The following BCAS3 variants were observed in gnomAD, a reference collection of about 807,000 sequenced individuals.
BCAS3 encodes BCAS3 microtubule associated cell migration factor, also known as BCAS4/BCAS3 fusion.
BCAS3 carries 53 observed loss-of-function variants against 116.1 expected under a neutral mutation model. The ratio of observed to expected loss-of-function variants is 0.46; its 90% CI spans 0.37 to 0.57. The LOEUF is 0.57. Among genes scored for constraint, BCAS3 ranks in the 20% least tolerant of loss-of-function variants. The pLI, the probability that BCAS3 is intolerant of heterozygous loss-of-function variation, is 0.00. For missense variants in BCAS3, 917 were observed against 1,165.4 expected (o/e 0.79, Z 3.10); for synonymous variants, 391 against 408.2 (o/e 0.96, Z 0.51).
At chr17:60,751,558 T>C (rs76488563) in intron 6 of BCAS3, among the ~76,000 whole-genome samples, 110,456 of 151,332 alleles carry the variant, frequency 0.73, 46,029 homozygotes, top group South Asian at 0.98. Context: ...TTTTTTTTTT[T>C]TGAGATGGAG....
At chr17:61,237,939 A>G (rs1282064564) in intron 22 of BCAS3, among the ~76,000 whole-genome samples, 3 of 152,226 alleles carry the variant, frequency 2.0e-5, no homozygotes, top group South Asian at 4.1e-4. Flanking sequence ...TGATGATGGT[A>G]AAGAGAATTG....
At chr17:61,003,246 C>A (rs1329037401) in intron 15 of BCAS3, among the ~76,000 whole-genome samples, 2 of 151,900 alleles carry the variant, frequency 1.3e-5, no homozygotes, top group South Asian at 4.2e-4. Flanking sequence ...TTTCTGCAAT[C>A]TTTTTAATAT....
At chr17:61,114,932 G>C (rs1235545900) in intron 22 of BCAS3, among the ~76,000 whole-genome samples, 1 of 151,872 alleles carries the variant, frequency 6.6e-6, no homozygotes, top group African/African-American at 2.4e-5. Flanking sequence ...CAGAAATAAC[G>C]CCTCATATCT....
intron 14 of BCAS3, among the ~76,000 whole-genome samples, chr17:60,975,849 A>G (rs2062311265): frequency 6.6e-6 from 1 of 152,016 alleles, no homozygotes; most frequent in African/African-American, 2.4e-5. Context: ...AAGTTCATCC[A>G]TTTTCAAATA....
chr17:60,741,890 A>G (rs2041585245), intron 5 of BCAS3, among the ~76,000 whole-genome samples: 1 of 152,236 alleles, frequency 6.6e-6, no homozygotes, highest in Non-Finnish European at 1.5e-5. Flanking sequence ...CATGTTTACT[A>G]AAAGACATTT....
intron 22 of BCAS3, among the ~76,000 whole-genome samples, chr17:61,201,790 G>C (rs1209376230): frequency 6.8e-6 from 1 of 146,618 alleles, no homozygotes; most frequent in Non-Finnish European, 1.5e-5. Flanking sequence ...ACAGGGTCTC[G>C]CTCTGTCGCC....
chr17:61,108,755 G>C (rs2074849190), intron 22 of BCAS3, among the ~76,000 whole-genome samples: 2 of 151,572 alleles, frequency 1.3e-5, no homozygotes, highest in Admixed American at 1.3e-4. Context: ...TTTATCCTTT[G>C]CCACCCCTCA....
intron 15 of BCAS3, among the ~76,000 whole-genome samples, chr17:61,015,397 C>G (rs2065384646): frequency 6.6e-6 from 1 of 152,090 alleles, no homozygotes; most frequent in Non-Finnish European, 1.5e-5. Context: ...CTCAAGTAAT[C>G]CTCTTGTCTC....
chr17:61,252,274 A>G (rs569924747), intron 22 of BCAS3, among the ~76,000 whole-genome samples: 72 of 152,306 alleles, frequency 4.7e-4, no homozygotes, highest in African/African-American at 1.3e-3. Flanking sequence ...AAGGAAAGCA[A>G]TGTGGTAAGA....
chr17:61,099,695 A>G (rs1330129703), intron 22 of BCAS3, among the ~76,000 whole-genome samples: 1 of 152,250 alleles, frequency 6.6e-6, no homozygotes, highest in Non-Finnish European at 1.5e-5. Context: ...ATCTTTATAA[A>G]GCATTAACTC....
chr17:60,685,800 G>A (rs1422793179), intron 3 of BCAS3, among the ~76,000 whole-genome samples: 3 of 152,006 alleles, frequency 2.0e-5, no homozygotes, highest in South Asian at 2.1e-4. Flanking sequence ...ATGGTGAGAC[G>A]TCGTCATTTT....
chr17:61,270,865 T>C (rs2050179188), intron 22 of BCAS3, among the ~76,000 whole-genome samples: 1 of 151,732 alleles, frequency 6.6e-6, no homozygotes, highest in South Asian at 2.1e-4. Flanking sequence ...CTTCAAGCAA[T>C]TCTCCTGCCT....
chr17:60,837,168 T>C (rs1415387399), intron 7 of BCAS3, among the ~76,000 whole-genome samples: 1 of 152,202 alleles, frequency 6.6e-6, no homozygotes, highest in Non-Finnish European at 1.5e-5. Flanking sequence ...AGTTGAACTG[T>C]AGATTTGTAT....
rs761276438 is a variant in BCAS3, at chr17:61,224,043, T to G, written c.2425+139479T>G. Among the ~76,000 whole-genome samples, 1 of 152,240 alleles carries G rather than the reference T, an allele frequency of 6.6e-6. No homozygotes were observed. The highest frequency in any genetic ancestry group is 1.5e-5 in the Non-Finnish European group (1 of 68,042). ...TAATCTTCAATTTTTTTCAACCACC[T>G]CTAATTGAGAGTAGAAAAGCATTTG... On this transcript the variant is annotated intron_variant, in intron 22 of 23. Transcript: ENST00000407086. This position sits in a 1 kb window ranked among gnomAD's most constrained non-coding sequence, Gnocchi z 5.7.
At chr17:61,018,218 G>C (rs1427728691) in intron 16 of BCAS3, among the ~76,000 whole-genome samples, 1 of 148,186 alleles carries the variant, frequency 6.7e-6, no homozygotes, top group Non-Finnish European at 1.5e-5. Context: ...TAATTTATTT[G>C]TGACATAGTT....
intron 14 of BCAS3, among the ~76,000 whole-genome samples, chr17:60,989,674 ATG>A (rs999785353): frequency 1.3e-5 from 2 of 152,064 alleles, no homozygotes; most frequent in African/African-American, 4.8e-5. Flanking sequence ...GTTATCAGTT[ATG>A]TGTGTGTGTT....
In BCAS3 at chr17:61,300,012, G is replaced by A. The variant is rs1253243451; in HGVS notation, c.2426-68315G>A. On this transcript the variant is annotated intron_variant, in intron 22 of 23. Coordinates refer to ENST00000407086, the MANE Select transcript of BCAS3 (RefSeq NM_017679.5). The surrounding 1 kb of genome is among the most constrained non-coding windows in gnomAD (Gnocchi z 5.1). ...TAATTACAGATATTTTCATTCATCT[G>A]GTATCCAGATGATCTCCCTTGATTC... 6.6e-6 allele frequency among the ~76,000 whole-genome samples: 1 copy of A among 152,148 alleles called. No homozygotes were observed. The highest frequency in any genetic ancestry group is 1.5e-5 in the Non-Finnish European group (1 of 68,030).
At chr17:60,965,573 A>G (rs906001892) in intron 14 of BCAS3, among the ~76,000 whole-genome samples, 1 of 151,856 alleles carries the variant, frequency 6.6e-6, no homozygotes, top group African/African-American at 2.4e-5. Context: ...ACATTTTAAA[A>G]TTTCTTTCTT....
intron 6 of BCAS3, among the ~76,000 whole-genome samples, chr17:60,756,145 C>G (rs1407130630): frequency 6.6e-6 from 1 of 152,100 alleles, no homozygotes; most frequent in African/African-American, 2.4e-5. Context: ...CAGGATGAAA[C>G]TGTTCCACCT....
Sources: gnomAD v4.1 joint callset for allele counts (sites outside exome capture counted in the v4.1 genomes callset) on GRCh38, gnomAD v4.1.1 for gene constraint, Gnocchi (gnomAD v3.1) non-coding constraint, MANE v1.5 for transcripts, NCBI Gene and HGNC (gene_info 2026-07-23, HGNC 2026-07-21) for gene names.